DNAH14: variants seen among roughly 807,000 people sequenced by gnomAD.
The protein encoded by DNAH14 is dynein axonemal heavy chain 14, also known as axonemal beta dynein heavy chain 14.
In DNAH14, 478 loss-of-function variants were observed where a neutral mutation model predicts 520.9. The observed-to-expected ratio is 0.92, with a 90% CI of 0.85 to 0.99. The LOEUF (loss-of-function observed/expected upper bound fraction) is 0.99. Ranked by LOEUF, DNAH14 falls within the 50% of genes least tolerant of loss-of-function variation. DNAH14 has a pLI of 0.00. For missense variants in DNAH14, 4,831 were observed against 5,234.5 expected (o/e 0.92, Z 2.38); for synonymous variants, 1,581 against 1,757.2 (o/e 0.90, Z 2.51).
intron 41 of DNAH14, among the ~76,000 whole-genome samples, chr1:225,209,318 C>G (rs1429386728): frequency 1.3e-5 from 2 of 152,104 alleles, no homozygotes; most frequent in Non-Finnish European, 2.9e-5. Context: ...GTTAGTGTTA[C>G]TATAGTTACC....
In DNAH14 at chr1:225,273,120, T is replaced by G; in HGVS notation, c.8005T>G (p.Phe2669Val). The G allele has an allele frequency of 7.8e-6, 12 of 1,547,722 alleles. No individual in the cohort carries two copies. The highest frequency in any genetic ancestry group is 1.0e-5 in the Non-Finnish European group (12 of 1,146,010). The change falls in exon 52 of 86, where the codon TTT (phenylalanine) becomes GTT (valine). Residue 2669 changes from phenylalanine (F) to valine (V), a missense_variant. By Grantham distance (50) the Phe-to-Val change is conservative. Transcript: ENST00000682510. Reference protein sequence around the residue: ...RLLSRELENCFQIQWTQENLM... With the variant: ...RLLSRELENCVQIQWTQENLM... Reference sequence around the variant, plus strand: ...GCTTTCAAGGGAACTTGAGAACTGTTTTCAGGTAAATTTATATTTTAAAAA... The same window carrying G: ...GCTTTCAAGGGAACTTGAGAACTGTGTTCAGGTAAATTTATATTTTAAAAA...
intron 15 of DNAH14, among the ~76,000 whole-genome samples, chr1:225,046,908 T>C (rs1430248390): frequency 6.6e-6 from 1 of 152,174 alleles, no homozygotes; most frequent in African/African-American, 2.4e-5. Context: ...ACCTCCATCC[T>C]TGTCTTGTGA....
intron 41 of DNAH14, among the ~76,000 whole-genome samples, chr1:225,210,756 A>T (rs10915802): frequency 6.6e-6 from 1 of 152,066 alleles, no homozygotes; most frequent in East Asian, 1.9e-4. Flanking sequence ...GGAGAGCCCC[A>T]GCTGGCATCT....
intron 66 of DNAH14, among the ~76,000 whole-genome samples, chr1:225,336,647 CT>C (rs1481882036): frequency 1.3e-5 from 2 of 152,148 alleles, no homozygotes; most frequent in Non-Finnish European, 2.9e-5. Flanking sequence ...TAGCCTATAC[CT>C]GCAGCTGACA....
intron 17 of DNAH14, among the ~76,000 whole-genome samples, chr1:225,072,603 C>T (rs184463843): frequency 8.5e-5 from 13 of 152,314 alleles, no homozygotes; most frequent in Non-Finnish European, 1.3e-4. Context: ...GAAGAAAGAG[C>T]GCATTCTGGC....
intron 17 of DNAH14, among the ~76,000 whole-genome samples, chr1:225,067,449 T>A (rs1464408310): frequency 1.3e-5 from 2 of 152,270 alleles, no homozygotes; most frequent in East Asian, 3.9e-4. Flanking sequence ...GTCTTTATAA[T>A]AGAATGATTT....
chr1:225,184,765 GAGAA>G (rs201215813), intron 36 of DNAH14, among the ~76,000 whole-genome samples: 77 of 151,416 alleles, frequency 5.1e-4, no homozygotes, highest in East Asian at 2.1e-3. Flanking sequence ...GAGAGAGAGA[GAGAA>G]AGAAAGAAAG....
chr1:225,096,090 C>T (rs1189824676), intron 21 of DNAH14, among the ~76,000 whole-genome samples: 3 of 152,132 alleles, frequency 2.0e-5, no homozygotes, highest in Non-Finnish European at 2.9e-5. Context: ...CCTCTGCCTC[C>T]GGAGTATCTG....
At chr1:224,962,023 G>A (rs1204609227) in intron 4 of DNAH14, among the ~76,000 whole-genome samples, 1 of 151,944 alleles carries the variant, frequency 6.6e-6, no homozygotes, top group Non-Finnish European at 1.5e-5. Context: ...TTAGATTTTA[G>A]AACAATTATT....
chr1:225,154,480 A>G (rs2080837176), intron 34 of DNAH14, among the ~76,000 whole-genome samples: 1 of 152,134 alleles, frequency 6.6e-6, no homozygotes, highest in Non-Finnish European at 1.5e-5. Flanking sequence ...ACAAAGCTTC[A>G]ATAATTAAAA....
chr1:225,369,820 AC>A (rs1288396603), intron 77 of DNAH14, among the ~76,000 whole-genome samples: 6 of 152,260 alleles, frequency 3.9e-5, no homozygotes, highest in Non-Finnish European at 5.9e-5. Context: ...TAAAAATTTG[AC>A]CCCTAAAAAT....
chr1:225,370,412 C>T (rs184640178), intron 77 of DNAH14, among the ~76,000 whole-genome samples: 3 of 151,298 alleles, frequency 2.0e-5, no homozygotes, highest in Non-Finnish European at 3.0e-5. Context: ...CCCAGCCACT[C>T]GGGAGGCTGA....
intron 10 of DNAH14, among the ~76,000 whole-genome samples, chr1:225,020,428 C>T (rs536404062): frequency 1.2e-4 from 15 of 126,706 alleles, no homozygotes; most frequent in African/African-American, 3.8e-4. Flanking sequence ...ATCTGGGAGG[C>T]GGAGGTTGCA....
intron 10 of DNAH14, among the ~76,000 whole-genome samples, chr1:225,012,943 C>G (rs1163995365): frequency 6.6e-6 from 1 of 152,110 alleles, no homozygotes; most frequent in East Asian, 1.9e-4. Flanking sequence ...TTATTACCCA[C>G]CTTCTGAAGC....
At chr1:225,084,365 C>T (rs2073494806) in intron 20 of DNAH14, among the ~76,000 whole-genome samples, 2 of 152,070 alleles carry the variant, frequency 1.3e-5, no homozygotes, top group African/African-American at 4.8e-5. Flanking sequence ...GGATTTGGCG[C>T]AGAAACTCAG....
intron 37 of DNAH14, 28 bp from the exon 38 acceptor site, chr1:225,192,668 T>C (rs1377626046): frequency 1.3e-6 from 2 of 1,495,414 alleles, no homozygotes; most frequent in African/African-American, 1.4e-5. Context: ...AGTTAATGTC[T>C]TTAAAAACTA....
intron 37 of DNAH14, among the ~76,000 whole-genome samples, chr1:225,191,061 A>G (rs1049550578): frequency 6.6e-6 from 1 of 151,686 alleles, no homozygotes; most frequent in African/African-American, 2.4e-5. Context: ...TTGTTTATGC[A>G]TTTATTTTTT....
intron 77 of DNAH14, among the ~76,000 whole-genome samples, chr1:225,368,656 C>T (rs1008392432): frequency 3.3e-5 from 5 of 152,060 alleles, no homozygotes; most frequent in African/African-American, 1.2e-4. Context: ...CAGCGTACAA[C>T]ATTACACCCT....
At chr1:225,380,666 G>A (rs1035681151) in intron 80 of DNAH14, among the ~76,000 whole-genome samples, 9 of 152,182 alleles carry the variant, frequency 5.9e-5, no homozygotes, top group Non-Finnish European at 1.3e-4. Flanking sequence ...CGGAAGTTTA[G>A]ATGGACCTTC....
Sources: gnomAD v4.1 joint callset for allele counts (sites outside exome capture counted in the v4.1 genomes callset) on GRCh38, gnomAD v4.1.1 for gene constraint, MANE v1.5 for transcripts, NCBI Gene and HGNC (gene_info 2026-07-23, HGNC 2026-07-21) for gene names.